KBTBD12: variants seen among roughly 807,000 people sequenced by gnomAD.
The protein encoded by KBTBD12 is kelch repeat and BTB domain-containing protein 12.
A neutral mutation model predicts 58.7 loss-of-function variants in KBTBD12; 53 were observed. The observed-to-expected ratio is 0.90, with a 90% confidence interval of 0.72 to 1.14. KBTBD12 has a LOEUF of 1.14. KBTBD12 is among the 50% of genes most tolerant of loss of function. KBTBD12 has a pLI of 0.00. For missense variants in KBTBD12, 704 were observed against 751.3 expected (o/e 0.94, Z 0.74); for synonymous variants, 236 against 259.8 (o/e 0.91, Z 0.88).
At position 127,927,857 on chromosome 3, in the gene KBTBD12, T is replaced by G; in HGVS notation, c.1164T>G (p.Tyr388Ter). 8 of 1,612,948 alleles carry G rather than the reference T, an allele frequency of 5.0e-6. No individual in the cohort carries two copies. The South Asian group carries it at 7.7e-5, about 16-fold the overall frequency. ...TGGGCAGTATTCATAATGACCTTTA[T>G]GTTATAGGAGGACAGATGAAAATTA... ...YALGSIHNDL[Y>*]VIGGQMKIKN... is the part of the protein sequence containing the mutation. The change falls in exon 3 of 6, where the codon TAT becomes TAG. Residue 388 changes from tyrosine (Y) to a stop codon, truncating the protein, a stop_gained. Coordinates refer to ENST00000405109, the MANE Select transcript of KBTBD12 (RefSeq NM_207335.4). LOFTEE classifies it high-confidence loss of function.
rs1559760160 is a variant in KBTBD12, at chr3:127,923,927, C to G, written c.866C>G (p.Ser289Ter). Reference protein sequence around the residue: ...CIGNNSSGIRSRHRSYGDASF... With the variant: ...CIGNNSSGIR ...GGCAACAATTCTTCAGGAATCAGAT[C>G]AAGACATAGGAGCTATGGGGATGCC... Residue 289 changes from serine (S) to a stop codon, truncating the protein, a stop_gained, in exon 2 of 6, where the codon TCA becomes TGA. Coordinates refer to ENST00000405109, the MANE Select transcript of KBTBD12 (RefSeq NM_207335.4). LOFTEE classifies it high-confidence loss of function. 6.2e-7 allele frequency: 1 copy of G among 1,613,874 alleles called. No homozygotes were observed. The highest frequency in any genetic ancestry group is 8.5e-7 in the Non-Finnish European group (1 of 1,179,824).
chr3:127,978,033 T>C (rs910913755), intron 5 of KBTBD12, among the ~76,000 whole-genome samples: 20 of 152,226 alleles, frequency 1.3e-4, no homozygotes, highest in African/African-American at 4.3e-4. Context: ...CCAGTTTCAA[T>C]ATTCTGCATA....
At chr3:127,930,042 C>T (rs1576373793) in intron 3 of KBTBD12, 91 bp from the exon 4 acceptor site, 1 of 1,179,698 alleles carries the variant, frequency 8.5e-7, no homozygotes, top group Non-Finnish European at 1.2e-6. Flanking sequence ...CTATTTATCT[C>T]CTTGGCTGTC....
intron 4 of KBTBD12, among the ~76,000 whole-genome samples, chr3:127,956,679 T>C (rs1940327281): frequency 6.6e-6 from 1 of 152,246 alleles, no homozygotes; most frequent in Admixed American, 6.5e-5. Flanking sequence ...AGGAGAATGC[T>C]GTCTCAGGCT....
intron 4 of KBTBD12, among the ~76,000 whole-genome samples, chr3:127,951,185 G>A (rs1940196571): frequency 6.6e-6 from 1 of 152,120 alleles, no homozygotes; most frequent in Non-Finnish European, 1.5e-5. Context: ...TTGATTAAAT[G>A]TCAATTACTG....
intron 5 of KBTBD12, among the ~76,000 whole-genome samples, chr3:127,976,449 T>C (rs1184327118): frequency 6.6e-6 from 1 of 152,196 alleles, no homozygotes; most frequent in East Asian, 1.9e-4. Flanking sequence ...AATCTTCCTC[T>C]CTTGATGTCT....
chr3:127,980,713 G>T (rs1019537246), intron 5 of KBTBD12, among the ~76,000 whole-genome samples: 1 of 152,136 alleles, frequency 6.6e-6, no homozygotes, highest in African/African-American at 2.4e-5. Context: ...CTCTGAGTCA[G>T]CCATTGGGTT....
chr3:127,925,956 A>G (rs1204407164), intron 2 of KBTBD12, among the ~76,000 whole-genome samples: 2 of 152,138 alleles, frequency 1.3e-5, no homozygotes, highest in Non-Finnish European at 2.9e-5. Flanking sequence ...GCCTCTACTC[A>G]TAGATTTCCA....
intron 5 of KBTBD12, among the ~76,000 whole-genome samples, chr3:127,974,030 C>G (rs1182687025): frequency 1.3e-5 from 2 of 152,098 alleles, no homozygotes; most frequent in Non-Finnish European, 2.9e-5. Context: ...CAGTATATAC[C>G]ATATACCCAT....
intron 4 of KBTBD12, among the ~76,000 whole-genome samples, chr3:127,959,111 G>GA (rs1338844843): frequency 2.0e-5 from 3 of 152,084 alleles, no homozygotes; most frequent in Admixed American, 6.5e-5. Context: ...TACGAGGTTG[G>GA]AAAAAAATCA....
chr3:127,916,631 AT>A (rs1361213383), intron 1 of KBTBD12, among the ~76,000 whole-genome samples: 1 of 148,694 alleles, frequency 6.7e-6, no homozygotes, highest in African/African-American at 2.5e-5. Context: ...CATACCTTTC[AT>A]TTTTTTCAGT....
chr3:127,963,549 A>G, intron 5 of KBTBD12, 163 bp downstream of exon 5: 1 of 628,050 alleles, frequency 1.6e-6, no homozygotes, highest in Non-Finnish European at 2.7e-6. Context: ...CCTGGGTTTC[A>G]CATGGACAAA....
intron 4 of KBTBD12, among the ~76,000 whole-genome samples, chr3:127,935,496 T>A (rs1939809167): frequency 6.6e-6 from 1 of 152,008 alleles, no homozygotes; most frequent in South Asian, 2.1e-4. Context: ...CACAGTGGCA[T>A]GCACCTGTAA....
intron 4 of KBTBD12, among the ~76,000 whole-genome samples, chr3:127,939,427 G>GT (rs1939900446): frequency 1.3e-5 from 2 of 152,078 alleles, no homozygotes; most frequent in Non-Finnish European, 2.9e-5. Flanking sequence ...CTCAGGGAGG[G>GT]TTTTTCAATG....
chr3:127,930,032 C>T lies in KBTBD12; in HGVS notation c.1342-101C>T, dbSNP rs1020480669. 2.9e-5 allele frequency: 31 copies of T among 1,066,808 alleles called. No individual in the cohort carries two copies. The African/African-American group carries it at 3.8e-4, about 13-fold the overall frequency. The allele number at this position is 1,066,808 out of a possible 1,614,324, so 66.1% of individuals were successfully genotyped here. A position where few individuals can be genotyped will look rare whatever the true frequency, so the allele number is the denominator to read the frequency against. On this transcript the variant is annotated intron_variant, in intron 3 of 5. Coordinates refer to ENST00000405109, the MANE Select transcript of KBTBD12 (RefSeq NM_207335.4). The stretch of plus-strand genomic sequence containing the variant: ...GAGTATGAGTCACTGCAGTTAACCT[C>T]TATTTATCTCCTTGGCTGTCTGCTT...
At chr3:127,956,325 G>T (rs1940319716) in intron 4 of KBTBD12, among the ~76,000 whole-genome samples, 1 of 152,114 alleles carries the variant, frequency 6.6e-6, no homozygotes. Context: ...TTCACAGGGA[G>T]TTAGCATTCT....
chr3:127,931,057 C>A (rs1441197027), intron 4 of KBTBD12, among the ~76,000 whole-genome samples: 1 of 152,082 alleles, frequency 6.6e-6, no homozygotes, highest in African/African-American at 2.4e-5. Flanking sequence ...TGAAATGATA[C>A]CTATGCCAAT....
In KBTBD12 at chr3:127,985,869, G is replaced by T. The variant is rs1273968711; in HGVS notation, c.*1591G>T. The T allele has an allele frequency of 6.6e-6, 1 of 152,360 alleles. No individual in the cohort carries two copies. The highest frequency in any genetic ancestry group is 1.5e-5 in the Non-Finnish European group (1 of 68,156). 9.4% of individuals were successfully genotyped at this position (152,360 alleles called of 1,614,324 possible). On this transcript the variant is annotated 3_prime_UTR_variant, in exon 6 of 6. Transcript: ENST00000405109. ...CAGTGTTTCTCAATCAGAGGGCCTG[G>T]GCCCCGAGCACGTCCAGGAATCTGA...
chr3:127,928,245 AT>A (rs1260181177), intron 3 of KBTBD12: 3 of 549,742 alleles, frequency 5.5e-6, no homozygotes, highest in Non-Finnish European at 6.5e-6. Context: ...ACATGACTTG[AT>A]TCAGTTTTCA....
Sources: allele counts gnomAD v4.1 joint callset (sites outside exome capture counted in the v4.1 genomes callset), GRCh38; gene constraint gnomAD v4.1.1; transcripts MANE v1.5; gene names NCBI Gene and HGNC (gene_info 2026-07-23, HGNC 2026-07-21).